The following SHCBP1 variants were observed in gnomAD, a reference collection of about 807,000 sequenced individuals.
SHCBP1 encodes SHC SH2 domain-binding protein 1.
A neutral mutation model predicts 75.1 loss-of-function variants in SHCBP1; 60 were observed. The ratio of observed to expected loss-of-function variants is 0.80; its 90% confidence interval spans 0.65 to 0.99. The LOEUF (loss-of-function observed/expected upper bound fraction) is 0.99. SHCBP1 is among the 50% of genes least tolerant of loss of function. The probability of loss-of-function intolerance (pLI) is 0.00; values close to 1 mark genes in which losing one functional copy is unlikely to be tolerated. For synonymous variants in SHCBP1, 290 were observed against 293.2 expected, an observed-to-expected ratio of 0.99 and a Z score of 0.11; for missense variants, 709 against 809.4, an observed-to-expected ratio of 0.88 and a Z score of 1.50.
intron 4 of SHCBP1, among the ~76,000 whole-genome samples, chr16:46,608,800 C>G (rs2143001190): frequency 6.6e-6 from 1 of 152,074 alleles, no homozygotes; most frequent in Non-Finnish European, 1.5e-5. Context: ...GGGGATTCAC[C>G]ATGTTGGCCA....
intron 5 of SHCBP1, among the ~76,000 whole-genome samples, chr16:46,605,690 G>T (rs1480409720): frequency 6.6e-6 from 1 of 152,136 alleles, no homozygotes; most frequent in South Asian, 2.1e-4. Flanking sequence ...TAAGTTCCCT[G>T]GGGATGCTAA....
chr16:46,600,095 TA>T, intron 8 of SHCBP1, 133 bp from the exon 9 acceptor site: 1 of 1,027,640 alleles, frequency 9.7e-7, no homozygotes, highest in Non-Finnish European at 1.4e-6. Flanking sequence ...TGCATTTAAA[TA>T]AAATCTATCT....
chr16:46,609,142 G>C (rs1240894967), intron 4 of SHCBP1, among the ~76,000 whole-genome samples: 1 of 152,130 alleles, frequency 6.6e-6, no homozygotes, highest in Non-Finnish European at 1.5e-5. Context: ...TCATAAGGCA[G>C]TGGTTCTCAA....
rs559060048 is a variant in SHCBP1, at chr16:46,588,867, A to C, written c.1465-4778T>G. On this transcript the variant is annotated intron_variant, in intron 10 of 12. Transcript: ENST00000303383. The stretch of plus-strand genomic sequence containing the variant: ...TACCAAAGCCTGGCAGAGACACAAC[A>C]AAAAAAGAGAATTTAGACCAATATG... Among the ~76,000 whole-genome samples, 681 of 152,228 alleles carry C rather than the reference A, an allele frequency of 4.5e-3. 1 individual carries two copies. The highest frequency in any genetic ancestry group is 7.2e-3 in the Non-Finnish European group (489 of 68,012).
Position 46,580,253 on chromosome 16 carries a change from G to A in SHCBP1, c.*1476C>T, listed in dbSNP as rs1417308387. ...ATATCAACATTTGGCTGAAACTGAT[G>A]CAGAAATGAACATTACTTTTTAAAC... On this transcript the variant is annotated 3_prime_UTR_variant, in exon 13 of 13. Coordinates refer to ENST00000303383, the MANE Select transcript of SHCBP1 (RefSeq NM_024745.5). Among the ~76,000 whole-genome samples the A allele has an allele frequency of 1.3e-5, 2 of 151,714 alleles. No homozygotes were observed. The highest frequency in any genetic ancestry group is 2.1e-4 in the South Asian group (1 of 4,820).
intron 10 of SHCBP1, among the ~76,000 whole-genome samples, chr16:46,590,166 T>C (rs1489466374): frequency 1.3e-5 from 2 of 152,194 alleles, no homozygotes; most frequent in African/African-American, 4.8e-5. Context: ...CAAAAATTAA[T>C]TCAAGATGGA....
chr16:46,597,178 G>A (rs1338607655), intron 9 of SHCBP1, among the ~76,000 whole-genome samples: 6 of 152,042 alleles, frequency 3.9e-5, no homozygotes, highest in Admixed American at 3.9e-4. Flanking sequence ...TGGGAGTCTG[G>A]GGTGGGTGGA....
chr16:46,585,400 T>TGAAAA (rs1435107139), intron 10 of SHCBP1, among the ~76,000 whole-genome samples: 6 of 152,064 alleles, frequency 3.9e-5, no homozygotes, highest in Non-Finnish European at 8.8e-5. Flanking sequence ...GCAGACCAGC[T>TGAAAA]AGGGACCTCA....
rs561237647 is a variant in SHCBP1 at position 46,615,033 on chromosome 16, G to A, written c.596+913C>T. On this transcript the variant is annotated intron_variant, in intron 4 of 12. Transcript: ENST00000303383. Reference sequence around the variant, plus strand: ...CTCCTCCACCTGTTTTGCCTCTGCCGCCCCTGAGGCAGCAAGACCAATCCC... The same window carrying A: ...CTCCTCCACCTGTTTTGCCTCTGCCACCCCTGAGGCAGCAAGACCAATCCC... Among the ~76,000 whole-genome samples, 18 of 152,160 alleles carry A rather than the reference G, an allele frequency of 1.2e-4. No individual in the cohort carries two copies. In the South Asian group the frequency reaches 1.2e-3, roughly 11 times the overall value.
At chr16:46,598,627 A>T (rs1004147271) in intron 9 of SHCBP1, among the ~76,000 whole-genome samples, 4 of 152,164 alleles carry the variant, frequency 2.6e-5, no homozygotes, top group Admixed American at 6.5e-5. Context: ...CAGAATGGTA[A>T]ATGAGCACTG....
At chr16:46,615,220 A>G (rs1965475981) in intron 4 of SHCBP1, among the ~76,000 whole-genome samples, 1 of 152,244 alleles carries the variant, frequency 6.6e-6, no homozygotes, top group South Asian at 2.1e-4. Context: ...CATAACATAG[A>G]AAATATGTCC....
intron 12 of SHCBP1, among the ~76,000 whole-genome samples, chr16:46,582,968 T>G (rs990633427): frequency 2.0e-5 from 3 of 152,180 alleles, no homozygotes; most frequent in African/African-American, 4.8e-5. Context: ...TAGCTTGAAG[T>G]TCACAGATTT....
intron 5 of SHCBP1, 143 bp downstream of exon 5, chr16:46,608,154 G>A: frequency 1.7e-6 from 1 of 598,194 alleles, no homozygotes; most frequent in Non-Finnish European, 3.0e-6. Context: ...TTCTGTCTAT[G>A]AGATCCTGGA....
Position 46,592,951 on chromosome 16 carries a change from C to CAAAAAAAAAAAAAAA in SHCBP1, c.1464+2586_1464+2600dup. ...AACATCCACTTATGATAAAAATTCTCAAAAAAAAAAAAAAAAAAAAAAAAA... is the reference window on the plus strand; with the variant it reads ...AACATCCACTTATGATAAAAATTCTCAAAAAAAAAAAAAAAAAAAAAAAAAAAAAAAAAAAAAAAA... On this transcript the variant is annotated intron_variant, in intron 10 of 12. Transcript: ENST00000303383. Among the ~76,000 whole-genome samples the CAAAAAAAAAAAAAAA allele has an allele frequency of 2.1e-3, 48 of 22,786 alleles. 7 individuals are homozygous for CAAAAAAAAAAAAAAA. Among genetic ancestry groups the CAAAAAAAAAAAAAAA allele is most frequent in the South Asian group, 7.4e-3 (2 of 270 alleles). 14.9% of individuals were successfully genotyped at this position (22,786 alleles called of 152,430 possible).
intron 4 of SHCBP1, among the ~76,000 whole-genome samples, chr16:46,614,846 A>G (rs1965470875): frequency 2.0e-5 from 3 of 152,240 alleles, no homozygotes; most frequent in Admixed American, 2.0e-4. Context: ...TACAAACCCA[A>G]TTAAGAATCC....
At chr16:46,584,294 C>T in intron 10 of SHCBP1, 1 of 298,158 alleles carries the variant, frequency 3.4e-6, no homozygotes, top group South Asian at 5.3e-5. Context: ...TTATCATTTT[C>T]AAAACCACAC....
At chr16:46,587,484 T>C (rs1313633483) in intron 10 of SHCBP1, among the ~76,000 whole-genome samples, 1 of 152,126 alleles carries the variant, frequency 6.6e-6, no homozygotes, top group African/African-American at 2.4e-5. Context: ...CAAAGTGGAT[T>C]AAAAACATGA....
rs1226469453 is a variant in SHCBP1, at chr16:46,621,340, G to A, written c.20C>T (p.Thr7Met). 1 of 1,611,226 alleles carries A rather than the reference G, an allele frequency of 6.2e-7. No individual in the cohort carries two copies. Among genetic ancestry groups the A allele is most frequent in the Non-Finnish European group, 8.5e-7 (1 of 1,179,100 alleles). Residue 7 changes from threonine (T) to methionine (M), a missense_variant, in exon 1 of 13, where the codon ACG (threonine) becomes ATG (methionine). By Grantham distance (81) the Thr-to-Met change is moderately conservative. Transcript: ENST00000303383. The stretch of plus-strand genomic sequence containing the variant: ...GGCCGCTGCCTCCAGACCGCCGCCC[G>A]TCAGCGACCCGTCAGCCATTTCAAA... MADGSL[T>M]GGGLEAAAMA...
rs534141539 is a variant in SHCBP1 at position 46,580,018 on chromosome 16, A to G, written c.*1711T>C. On this transcript the variant is annotated 3_prime_UTR_variant, in exon 13 of 13. Coordinates refer to ENST00000303383, the MANE Select transcript of SHCBP1 (RefSeq NM_024745.5). ...CGGGCACCTATAATCCCAGCTACTC[A>G]GGCGACTGAGGCAGGAGAATTGCTT... Among the ~76,000 whole-genome samples, 1 of 150,584 alleles carries G rather than the reference A, an allele frequency of 6.6e-6. No homozygotes were observed. The highest frequency in any genetic ancestry group is 2.4e-5 in the African/African-American group (1 of 40,874).
Sources: gnomAD v4.1 joint callset for allele counts (sites outside exome capture counted in the v4.1 genomes callset) on GRCh38, gnomAD v4.1.1 for gene constraint, MANE v1.5 for transcripts, NCBI Gene and HGNC (gene_info 2026-07-23, HGNC 2026-07-21) for gene names.